The following DIAPH2 variants were observed in gnomAD, a reference collection of about 807,000 sequenced individuals.
The protein encoded by DIAPH2 is protein diaphanous homolog 2.
A neutral mutation model predicts 92.7 loss-of-function variants in DIAPH2; 35 were observed. The ratio of observed to expected loss-of-function variants is 0.38; its 90% CI spans 0.29 to 0.50. DIAPH2 has a LOEUF of 0.50. DIAPH2 is among the 20% of genes least tolerant of loss of function. The probability of loss-of-function intolerance (pLI) is 0.94; values close to 1 mark genes in which losing one functional copy is unlikely to be tolerated. For missense variants in DIAPH2, 701 were observed against 819.5 expected (o/e 0.86, Z 1.77); for synonymous variants, 301 against 280.4 (o/e 1.07, Z -0.73).
intron 25 of DIAPH2, among the ~76,000 whole-genome samples, chrX:97,414,202 A>G (rs2069913528): frequency 8.9e-6 from 1 of 112,019 alleles, no homozygotes. Context: ...GTACCAAAAC[A>G]GAGAGATAGC....
intron 20 of DIAPH2, among the ~76,000 whole-genome samples, chrX:97,109,657 C>G (rs1357691826): frequency 9.0e-6 from 1 of 111,281 alleles, no homozygotes; most frequent in Non-Finnish European, 1.9e-5. Context: ...GGTGACCTAC[C>G]TGGAAGCTAA....
intron 19 of DIAPH2, among the ~76,000 whole-genome samples, chrX:97,097,357 A>G (rs746116720): frequency 1.8e-5 from 2 of 112,025 alleles, no homozygotes; most frequent in East Asian, 5.6e-4. Context: ...TCGCAAGTAC[A>G]ACTTACTAAA....
chrX:97,038,999 A>G (rs142887820), intron 17 of DIAPH2, among the ~76,000 whole-genome samples: 4,889 of 111,111 alleles, frequency 0.044, 280 homozygotes, highest in African/African-American at 0.15. Flanking sequence ...ATGTATTGCA[A>G]ATTTGTTTCT....
intron 22 of DIAPH2, among the ~76,000 whole-genome samples, chrX:97,213,889 A>T (rs760428247): frequency 8.9e-6 from 1 of 112,087 alleles, no homozygotes; most frequent in Non-Finnish European, 1.9e-5. Context: ...CACTCATATT[A>T]ATATTAACCT....
At chrX:96,872,492 T>C (rs1372246681) in intron 4 of DIAPH2, among the ~76,000 whole-genome samples, 2 of 108,408 alleles carry the variant, frequency 1.8e-5, no homozygotes, top group African/African-American at 6.7e-5. Flanking sequence ...ATTTTCTTTT[T>C]CTTTTTTTTT....
chrX:96,977,977 C>T (rs1336389351), intron 17 of DIAPH2, among the ~76,000 whole-genome samples: 1 of 112,112 alleles, frequency 8.9e-6, no homozygotes, highest in African/African-American at 3.2e-5. Flanking sequence ...AGCCACCGCG[C>T]CTGGCCAGTA....
intron 17 of DIAPH2, among the ~76,000 whole-genome samples, chrX:97,040,343 ATAT>A (rs2066440311): frequency 9.0e-6 from 1 of 110,691 alleles, no homozygotes; most frequent in Admixed American, 9.7e-5. Flanking sequence ...GTAGAGAAAC[ATAT>A]TATTCCCACC....
chrX:97,319,075 A>G (rs976039491), intron 23 of DIAPH2, among the ~76,000 whole-genome samples: 1 of 111,919 alleles, frequency 8.9e-6, no homozygotes, highest in Non-Finnish European at 1.9e-5. Context: ...CTTCAGATCT[A>G]GAAAGTTGAC....
chrX:96,749,659 G>A (rs1410394853), intron 3 of DIAPH2, among the ~76,000 whole-genome samples: 6 of 111,656 alleles, frequency 5.4e-5, no homozygotes, highest in Non-Finnish European at 1.1e-4. Context: ...AACTAATCTG[G>A]GGTGTTGCAT....
intron 22 of DIAPH2, among the ~76,000 whole-genome samples, chrX:97,163,653 A>T (rs2067391339): frequency 8.9e-6 from 1 of 112,098 alleles, no homozygotes; most frequent in Admixed American, 9.5e-5. Flanking sequence ...CCAGGCTCTT[A>T]GCTTTGTGCA....
chrX:97,359,728 C>T (rs1281788024), intron 24 of DIAPH2, among the ~76,000 whole-genome samples: 1 of 108,610 alleles, frequency 9.2e-6, no homozygotes, highest in Non-Finnish European at 1.9e-5. Context: ...CAGGCACCTG[C>T]CACCACGCCT....
At chrX:97,315,500 G>C (rs1380424823) in intron 23 of DIAPH2, among the ~76,000 whole-genome samples, 1 of 111,142 alleles carries the variant, frequency 9.0e-6, no homozygotes, top group Non-Finnish European at 1.9e-5. Flanking sequence ...GATGGGATTG[G>C]AAACTTATCC....
At chrX:96,817,697 T>C (rs1249857446) in intron 4 of DIAPH2, among the ~76,000 whole-genome samples, 2 of 110,300 alleles carry the variant, frequency 1.8e-5, no homozygotes, top group East Asian at 5.8e-4. Context: ...CTTCTCTTTA[T>C]ATTTTCACAT....
chrX:97,000,567 T>G (rs2066136931), intron 17 of DIAPH2, among the ~76,000 whole-genome samples: 1 of 106,969 alleles, frequency 9.3e-6, no homozygotes, highest in South Asian at 4.2e-4. Flanking sequence ...AGCCCTGGAG[T>G]TCAAAACCAG....
intron 17 of DIAPH2, among the ~76,000 whole-genome samples, chrX:97,069,196 C>G (rs1309217025): frequency 9.0e-6 from 1 of 111,105 alleles, no homozygotes; most frequent in Non-Finnish European, 1.9e-5. Context: ...CTCCTGACGT[C>G]AGGTGATCTG....
chrX:97,141,621 TTTACTAAAAAA>T (rs758362370), intron 21 of DIAPH2, 33 bp from the exon 22 acceptor site: 14 of 1,125,273 alleles, frequency 1.2e-5, no homozygotes, highest in Non-Finnish European at 1.2e-5. Context: ...TAAAAAAGTA[TTTACTAAAAAA>T]TTACTAAAAA....
At chrX:97,242,785 A>G (rs1569339035) in intron 22 of DIAPH2, among the ~76,000 whole-genome samples, 1 of 108,892 alleles carries the variant, frequency 9.2e-6, no homozygotes, top group African/African-American at 3.3e-5. Flanking sequence ...ATTTTATTTT[A>G]TTTATTTATT....
intron 26 of DIAPH2, among the ~76,000 whole-genome samples, chrX:97,476,984 T>TACACACACACACAC (rs1190615516): frequency 8.8e-5 from 5 of 57,092 alleles, no homozygotes; most frequent in Non-Finnish European, 8.7e-5. Context: ...TATATATATA[T>TACACACACACACAC]ACACACACAC....
rs968401878 is a variant in DIAPH2, at chrX:97,143,632, G to A, written c.2719+1838G>A. ...ACCATAGGTATTTACATGTGATCCA[G>A]CAGTTCCACTACTAGGTATTTATCC... is the stretch of plus-strand genomic sequence containing the variant. On this transcript the variant is annotated intron_variant, in intron 22 of 26. Transcript: ENST00000324765. 5.4e-5 allele frequency among the ~76,000 whole-genome samples: 6 copies of A among 110,355 alleles called. No homozygotes were observed. The South Asian group carries it at 1.2e-3, about 21-fold the overall frequency.
Sources: allele counts gnomAD v4.1 joint callset (sites outside exome capture counted in the v4.1 genomes callset), GRCh38; gene constraint gnomAD v4.1.1; transcripts MANE v1.5; gene names NCBI Gene and HGNC (gene_info 2026-07-23, HGNC 2026-07-21).